Variants in FRYL observed in about 807,000 individuals in gnomAD.
The protein encoded by FRYL is FRY like transcription coactivator.
A neutral mutation model predicts 351.2 loss-of-function variants in FRYL; 150 were observed. The observed-to-expected ratio is 0.43, with a 90% confidence interval of 0.37 to 0.49. The LOEUF (loss-of-function observed/expected upper bound fraction) is 0.49, where lower values mean the gene tolerates loss of function less well. Among genes scored for constraint, FRYL ranks in the 20% least tolerant of loss-of-function variants. The pLI, the probability that FRYL is intolerant of heterozygous loss-of-function variation, is 0.00. For synonymous variants in FRYL, 1,153 were observed against 1,257.1 expected, an observed-to-expected ratio of 0.92 and a Z score of 1.75; for missense variants, 3,036 against 3,619.3, an observed-to-expected ratio of 0.84 and a Z score of 4.13.
intron 19 of FRYL, among the ~76,000 whole-genome samples, chr4:48,583,614 A>T (rs1741415976): frequency 6.6e-6 from 1 of 152,144 alleles, no homozygotes; most frequent in African/African-American, 2.4e-5. Flanking sequence ...AGAAAAAAAA[A>T]AAATAAGGCT....
chr4:48,582,514 T>C lies in FRYL; in HGVS notation c.1969A>G (p.Lys657Glu). The C allele has an allele frequency of 6.2e-7, 1 of 1,612,208 alleles. No individual in the cohort carries two copies. The highest frequency in any genetic ancestry group is 8.5e-7 in the Non-Finnish European group (1 of 1,178,218). ...TCTGGTACCTGAGTGTCCTGGTTTT[T>C]ATTATGCATTTGGGCTGCTTGTTTC... The part of the protein sequence containing the change: ...QWKQAAQMHN[K>E]NQDTQHGVAN... Residue 657 changes from lysine to glutamate, a missense_variant, in exon 20 of 64, where the codon AAA (lysine) becomes GAA (glutamate). By Grantham distance (56) the Lys-to-Glu change is moderately conservative (BLOSUM62 1). This residue lies in a region of FRYL where 492 missense variants were observed against 551.5 expected (regional missense o/e 0.89). Coordinates refer to ENST00000358350, the MANE Select transcript of FRYL (RefSeq NM_015030.2).
chr4:48,541,683 A>T (rs1034847680), intron 45 of FRYL, among the ~76,000 whole-genome samples: 4 of 152,120 alleles, frequency 2.6e-5, no homozygotes, highest in East Asian at 1.9e-4. Flanking sequence ...GTGGGGAGAG[A>T]GGCTGCTGCA....
At chr4:48,702,371 G>A (rs1766821549) in intron 2 of FRYL, among the ~76,000 whole-genome samples, 1 of 139,784 alleles carries the variant, frequency 7.2e-6, no homozygotes, top group Non-Finnish European at 1.5e-5. Context: ...CAAGAGAATC[G>A]CTTGAACCCT....
At position 48,718,029 on chromosome 4, in the gene FRYL, T is replaced by G. The variant is rs563766988; in HGVS notation, c.-383-7331A>C. On this transcript the variant is annotated intron_variant, in intron 1 of 63. Transcript: ENST00000358350. ...GAATTCAGTGATAAAACCAGATTAC[T>G]GGCAATCCTAAAACCGTAGACAAGC... 7.2e-5 allele frequency among the ~76,000 whole-genome samples: 11 copies of G among 151,848 alleles called. 1 individual carries two copies. Among genetic ancestry groups the G allele is most frequent in the Non-Finnish European group, 1.0e-4 (7 of 67,882 alleles).
In FRYL at chr4:48,567,330, T is replaced by C. The variant is rs770278307; in HGVS notation, c.3087A>G (p.Glu1029=). The C allele has an allele frequency of 2.5e-6, 4 of 1,613,156 alleles. No individual in the cohort carries two copies. The Admixed American group carries it at 6.7e-5, about 27-fold the overall frequency. ...VDLTRQLLEA[E]NEKDSDTLKD... ...TCAGTGTGTCAGAGTCTTTTTCATTTTCTGCTTCCAGGAGTTGTCTAGTTA... is the reference window on the plus strand; with the variant it reads ...TCAGTGTGTCAGAGTCTTTTTCATTCTCTGCTTCCAGGAGTTGTCTAGTTA... Residue 1029 remains glutamate, a synonymous_variant, in exon 28 of 64, where the codon GAA becomes GAG. Transcript: ENST00000358350. This position sits in a 1 kb window ranked among gnomAD's most constrained non-coding sequence, Gnocchi z 4.2.
intron 1 of FRYL, among the ~76,000 whole-genome samples, chr4:48,761,860 G>C (rs1560368587): frequency 6.6e-6 from 1 of 152,082 alleles, no homozygotes; most frequent in South Asian, 2.1e-4. Flanking sequence ...TATGATGTTC[G>C]CACAATGACA....
At chr4:48,716,008 AAAAC>A (rs1434516720) in intron 1 of FRYL, among the ~76,000 whole-genome samples, 1 of 152,212 alleles carries the variant, frequency 6.6e-6, no homozygotes, top group African/African-American at 2.4e-5. Context: ...AAACCTGAGA[AAAAC>A]AAGCAATGGG....
chr4:48,648,106 T>C (rs1288810406), intron 3 of FRYL, among the ~76,000 whole-genome samples: 1 of 152,186 alleles, frequency 6.6e-6, no homozygotes, highest in Non-Finnish European at 1.5e-5. Context: ...AGGTATTATA[T>C]ACTTGTTTGC....
Position 48,579,206 on chromosome 4 carries a change from T to G in FRYL, c.2295A>C (p.Leu765Phe), listed in dbSNP as rs759513174. 6.2e-7 allele frequency: 1 copy of G among 1,613,680 alleles called. No homozygotes were observed. Among genetic ancestry groups the G allele is most frequent in the Admixed American group, 1.7e-5 (1 of 60,000 alleles). The stretch of plus-strand genomic sequence containing the variant: ...AAGAGTTCCATTCTGCTAAAGTTTG[T>G]AAATCTATCGAGCTAGGGCAATAGA... ...TLLYCPSSID[L>F]QTLAEWNSSP... The change falls in exon 23 of 64, where the codon TTA becomes TTC. Residue 765 changes from leucine (L) to phenylalanine (F), a missense_variant. By Grantham distance (22) the Leu-to-Phe change is conservative (BLOSUM62 0). Transcript: ENST00000358350.
At chr4:48,750,987 G>A (rs2149665229) in intron 1 of FRYL, among the ~76,000 whole-genome samples, 1 of 152,252 alleles carries the variant, frequency 6.6e-6, no homozygotes, top group South Asian at 2.1e-4. Context: ...ACTTCAGGCT[G>A]AGCAACACTT....
In FRYL at chr4:48,623,631, CG is replaced by C. The variant is rs1233547963; in HGVS notation, c.121-453del. 2.6e-5 allele frequency among the ~76,000 whole-genome samples: 4 copies of C among 152,276 alleles called. No individual in the cohort carries two copies. The East Asian group carries it at 7.7e-4, about 29-fold the overall frequency. ...GGTGTGACCTCCGACCTGACTACCA[CG>C]AAGTGAATGACCATAGGCTGATGCC... On this transcript the variant is annotated intron_variant, in intron 4 of 63. Coordinates refer to ENST00000358350, the MANE Select transcript of FRYL (RefSeq NM_015030.2).
Position 48,612,725 on chromosome 4 carries a change from C to T in FRYL, c.412-2902G>A, listed in dbSNP as rs143745351. On this transcript the variant is annotated intron_variant, in intron 7 of 63. Transcript: ENST00000358350. Reference sequence around the variant, plus strand: ...TCCCAAGTAGCTGGGACTACAGGCGCCTGCCACCATGCCTGGCTAATTTTT... The same window carrying T: ...TCCCAAGTAGCTGGGACTACAGGCGTCTGCCACCATGCCTGGCTAATTTTT... Among the ~76,000 whole-genome samples, 474 of 151,486 alleles carry T rather than the reference C, an allele frequency of 3.1e-3. 3 individuals are homozygous for T. The highest frequency in any genetic ancestry group is 0.031 in the Middle Eastern group (9 of 292).
intron 42 of FRYL, 139 bp downstream of exon 42, chr4:48,545,928 C>A: frequency 1.3e-6 from 1 of 745,126 alleles, no homozygotes; most frequent in Admixed American, 2.8e-5. Context: ...TCCTAATTTT[C>A]AAAATACTGT....
Position 48,540,360 on chromosome 4 carries a change from T to C in FRYL, c.6288A>G (p.Gln2096=), listed in dbSNP as rs759967662. 3.0e-5 allele frequency: 48 copies of C among 1,611,668 alleles called. No homozygotes were observed. The South Asian group carries it at 3.6e-4, about 12-fold the overall frequency. ...CAATTATATTAACATCACCTGACAA[T>C]TGGGAAGGATCCACCAATGTATGTT... ...VSKHTLVDPS[Q]LSGFPLNILC... is the part of the protein sequence containing the mutation. Residue 2096 remains glutamine (Q), a synonymous_variant, in exon 46 of 64, where the codon CAA becomes CAG. Transcript: ENST00000358350.
At chr4:48,561,701 A>G in intron 32 of FRYL, 65 bp from the exon 33 acceptor site, 1 of 1,263,580 alleles carries the variant, frequency 7.9e-7, no homozygotes, top group Non-Finnish European at 1.1e-6. Context: ...TTTAACTATA[A>G]TTTTATAATT....
At chr4:48,593,882 TAAA>T in intron 16 of FRYL, 45 bp downstream of exon 16, 1 of 838,260 alleles carries the variant, frequency 1.2e-6, no homozygotes, top group Non-Finnish European at 1.7e-6. Context: ...ATCATGCTCT[TAAA>T]AAAAAAATCT....
At position 48,696,845 on chromosome 4, in the gene FRYL, GATCTATCTATCTATCTATCTATCT is replaced by G. The variant is rs71660456; in HGVS notation, c.-203-12074_-203-12051del. ...GTATAAAAGAAAAATAACGATAAGAGATCTATCTATCTATCTATCTATCTATCTATCTATCTATCTATCTATCTA... is the reference window on the plus strand; with the variant it reads ...GTATAAAAGAAAAATAACGATAAGAGATCTATCTATCTATCTATCTATCTA... On this transcript the variant is annotated intron_variant, in intron 2 of 63. Transcript: ENST00000358350. Among the ~76,000 whole-genome samples the G allele has an allele frequency of 7.6e-5, 11 of 144,632 alleles. No homozygotes were observed. In the East Asian group the frequency reaches 1.6e-3, roughly 21 times the overall value. 94.9% of individuals were successfully genotyped at this position (144,632 alleles called of 152,430 possible). A position where few individuals can be genotyped will look rare whatever the true frequency, so the allele number is the denominator to read the frequency against.
chr4:48,733,424 G>T (rs1317029644), intron 1 of FRYL, among the ~76,000 whole-genome samples: 7 of 151,764 alleles, frequency 4.6e-5, no homozygotes, highest in Non-Finnish European at 8.8e-5. Context: ...GACCTGCCTT[G>T]AAAGAAATGT....
chr4:48,729,746 T>C (rs1278304537), intron 1 of FRYL, among the ~76,000 whole-genome samples: 5 of 151,798 alleles, frequency 3.3e-5, no homozygotes, highest in African/African-American at 9.7e-5. Context: ...GTCACCAACA[T>C]CAAAGACCAA....
Sources: allele counts gnomAD v4.1 joint callset (sites outside exome capture counted in the v4.1 genomes callset), GRCh38; gene constraint gnomAD v4.1.1; regional missense constraint gnomAD v4.1.1; non-coding constraint Gnocchi (gnomAD v3.1); transcripts MANE v1.5; gene names NCBI Gene and HGNC (gene_info 2026-07-23, HGNC 2026-07-21).